Variants in ARHGEF17 observed in about 807,000 individuals in gnomAD.
The protein encoded by ARHGEF17 is 164 kDa Rho-specific guanine-nucleotide exchange factor.
Under a neutral mutation model 174.0 loss-of-function variants are expected in ARHGEF17, and 80 were observed. That is an observed-to-expected ratio of 0.46 (90% CI 0.38 to 0.55). ARHGEF17 has a LOEUF of 0.55. ARHGEF17 is among the 20% of genes least tolerant of loss of function. ARHGEF17 has a pLI of 0.00. For synonymous variants in ARHGEF17, 1,311 were observed against 1,189.1 expected (o/e 1.10, Z -2.11); for missense variants, 2,886 against 2,839.7 (o/e 1.02, Z -0.37).
rs554342677 is a variant in ARHGEF17, at chr11:73,356,294, G to A, written c.3783G>A (p.Ala1261=). The A allele has an allele frequency of 1.3e-4, 208 of 1,613,420 alleles. 3 individuals carry two copies. The South Asian group carries it at 2.1e-3, about 16-fold the overall frequency. Residue 1261 remains alanine, a synonymous_variant, in exon 6 of 21, where the codon GCG becomes GCA. Coordinates refer to ENST00000263674, the MANE Select transcript of ARHGEF17 (RefSeq NM_014786.4). The stretch of plus-strand genomic sequence containing the variant: ...AGGGTGTGCGGAGTGCCGAGGAGGC[G>A]GAGCGCCATGCCCGTGTGCTGCAGG... ...INKGVRSAEE[A]ERHARVLQEI...
chr11:73,325,102 G>A (rs1469600585), intron 1 of ARHGEF17, among the ~76,000 whole-genome samples: 1 of 152,184 alleles, frequency 6.6e-6, no homozygotes, highest in Admixed American at 6.5e-5. Context: ...CCCGTTTGCA[G>A]TATCTGGAAA....
chr11:73,350,057 A>G (rs149214855), intron 2 of ARHGEF17, among the ~76,000 whole-genome samples: 2,461 of 152,214 alleles, frequency 0.016, 36 homozygotes, highest in Middle Eastern at 0.041. Context: ...ATAATAATAG[A>G]CCTGCCTTGA....
At position 73,329,358 on chromosome 11, in the gene ARHGEF17, TATATATATA is replaced by T. The variant is rs1865160828; in HGVS notation, c.3193-17524_3193-17516del. On this transcript the variant is annotated intron_variant, in intron 1 of 20. Transcript: ENST00000263674. ...ATATATATATATATATATATATATA[TATATATATA>T]TATATATTTTTTTTTTTTTTTTGTA... 6.2e-4 allele frequency among the ~76,000 whole-genome samples: 14 copies of T among 22,678 alleles called. 1 individual carries two copies. Among genetic ancestry groups the T allele is most frequent in the African/African-American group, 1.1e-3 (4 of 3,702 alleles). The allele number at this position is 22,678 out of a possible 152,430, so 14.9% of individuals were successfully genotyped here. A position where few individuals can be genotyped will look rare whatever the true frequency, so the allele number is the denominator to read the frequency against.
intron 1 of ARHGEF17, among the ~76,000 whole-genome samples, chr11:73,338,544 C>G (rs1326020979): frequency 6.6e-6 from 1 of 152,074 alleles, no homozygotes; most frequent in Non-Finnish European, 1.5e-5. Context: ...GGGCCGAGTT[C>G]CCAGGGAAGA....
Position 73,311,539 on chromosome 11 carries a change from G to A in ARHGEF17, c.2901G>A (p.Met967Ile), listed in dbSNP as rs1490914878. 3 of 1,613,572 alleles carry A rather than the reference G, an allele frequency of 1.9e-6. No homozygotes were observed. Among genetic ancestry groups the A allele is most frequent in the Non-Finnish European group, 2.5e-6 (3 of 1,180,038 alleles). Residue 967 changes from methionine to isoleucine, a missense_variant, in exon 1 of 21, where the codon ATG becomes ATA. Physicochemically the swap from Met to Ile is conservative, Grantham distance 10. Transcript: ENST00000263674. ...ATGCCAGTGTGCCCGCCACATTTAT[G>A]CCTATTGTGGTGCCTGAGCCACCAA... ...VRHASVPATF[M>I]PIVVPEPPTS...
At position 73,356,752 on chromosome 11, in the gene ARHGEF17, T is replaced by C. The variant is rs997532226; in HGVS notation, c.3884T>C (p.Ile1295Thr). Reference sequence around the variant, plus strand: ...CGGTTCCTGAGACAGGAGATGGTCATTGAAGTGGTAAGAAGTGTCCCAGTA... The same window carrying C: ...CGGTTCCTGAGACAGGAGATGGTCACTGAAGTGGTAAGAAGTGTCCCAGTA... The part of the protein sequence containing the change: ...LRRFLRQEMV[I>T]EVKAIGGKKD... Residue 1295 changes from isoleucine to threonine, a missense_variant, in exon 7 of 21, where the codon ATT becomes ACT. By Grantham distance (89) the Ile-to-Thr change is moderately conservative. Coordinates refer to ENST00000263674, the MANE Select transcript of ARHGEF17 (RefSeq NM_014786.4). 5.0e-6 allele frequency: 8 copies of C among 1,614,030 alleles called. No homozygotes were observed. Among genetic ancestry groups the C allele is most frequent in the Admixed American group, 1.7e-5 (1 of 59,996 alleles).
chr11:73,310,772 G>C lies in ARHGEF17; in HGVS notation c.2134G>C (p.Val712Leu). Residue 712 changes from valine (V) to leucine (L), a missense_variant, in exon 1 of 21, where the codon GTC becomes CTC. This residue lies in a region of ARHGEF17 where 1,728 missense variants were observed against 1,461.2 expected (regional missense o/e 1.18). Coordinates refer to ENST00000263674, the MANE Select transcript of ARHGEF17 (RefSeq NM_014786.4). ...AGGTGCCCTCCGCCGACGACGCAAAGTCCCACCTTCAGGTTCTGGTGGGAG... is the reference window on the plus strand; with the variant it reads ...AGGTGCCCTCCGCCGACGACGCAAACTCCCACCTTCAGGTTCTGGTGGGAG... ...TPGALRRRRK[V>L]PPSGSGGSEL... The C allele has an allele frequency of 6.2e-7, 1 of 1,611,976 alleles. No individual in the cohort carries two copies. Among genetic ancestry groups the C allele is most frequent in the Non-Finnish European group, 8.5e-7 (1 of 1,179,112 alleles).
intron 12 of ARHGEF17, 53 bp downstream of exon 12, chr11:73,361,214 T>C: frequency 3.2e-6 from 5 of 1,561,358 alleles, no homozygotes; most frequent in Non-Finnish European, 2.6e-6. Context: ...CAGCAGGTGT[T>C]CATGAATTTT....
intron 20 of ARHGEF17, among the ~76,000 whole-genome samples, chr11:73,367,010 C>G (rs927758392): frequency 6.6e-6 from 1 of 152,022 alleles, no homozygotes; most frequent in African/African-American, 2.4e-5. Flanking sequence ...CCATTGCACT[C>G]CAGCCCAGGC....
chr11:73,325,077 G>C (rs1865079123), intron 1 of ARHGEF17, among the ~76,000 whole-genome samples: 1 of 152,156 alleles, frequency 6.6e-6, no homozygotes, highest in South Asian at 2.1e-4. Context: ...GGCAGGCCAG[G>C]CAGTGCAGTG....
At chr11:73,323,268 C>G (rs1458766936) in intron 1 of ARHGEF17, among the ~76,000 whole-genome samples, 1 of 152,178 alleles carries the variant, frequency 6.6e-6, no homozygotes. Flanking sequence ...TGGCTCTAAC[C>G]TAAGACAAGT....
intron 9 of ARHGEF17, among the ~76,000 whole-genome samples, chr11:73,357,844 G>A (rs539391953): frequency 1.6e-4 from 25 of 152,326 alleles, no homozygotes; most frequent in Admixed American, 1.2e-3. Context: ...AGTCTGCCCT[G>A]TTCTCACTGC....
At chr11:73,346,734 G>C in intron 1 of ARHGEF17, 149 bp from the exon 2 acceptor site, 1 of 547,888 alleles carries the variant, frequency 1.8e-6, no homozygotes, top group East Asian at 3.5e-5. Context: ...GGGCCTCGGG[G>C]GAACAGCCCG....
At chr11:73,325,376 G>A (rs951254088) in intron 1 of ARHGEF17, among the ~76,000 whole-genome samples, 4 of 152,144 alleles carry the variant, frequency 2.6e-5, no homozygotes, top group African/African-American at 4.8e-5. Context: ...CCAGGGCTGG[G>A]CCCTGTGCTT....
At chr11:73,333,238 A>T (rs779526960) in intron 1 of ARHGEF17, among the ~76,000 whole-genome samples, 2 of 152,218 alleles carry the variant, frequency 1.3e-5, no homozygotes, top group Non-Finnish European at 2.9e-5. Flanking sequence ...GGGAGTGGGC[A>T]GGTCTGTGCT....
intron 1 of ARHGEF17, among the ~76,000 whole-genome samples, chr11:73,326,091 G>A (rs1403436588): frequency 6.6e-6 from 1 of 152,226 alleles, no homozygotes; most frequent in Non-Finnish European, 1.5e-5. Flanking sequence ...GCCTGTATGT[G>A]CAGGGTTAGC....
At chr11:73,362,851 AG>A in intron 14 of ARHGEF17, 117 bp downstream of exon 14, 1 of 1,268,004 alleles carries the variant, frequency 7.9e-7, no homozygotes, top group African/African-American at 1.5e-5. Context: ...TCAGGATGTT[AG>A]CACACAGAGC....
intron 2 of ARHGEF17, 128 bp from the exon 3 acceptor site, chr11:73,352,702 G>A: frequency 1.1e-6 from 1 of 941,656 alleles, no homozygotes; most frequent in Non-Finnish European, 1.6e-6. Context: ...TCATGAGGGA[G>A]ATGTGGAAGG....
chr11:73,327,686 C>A (rs1377288079), intron 1 of ARHGEF17, among the ~76,000 whole-genome samples: 1 of 152,100 alleles, frequency 6.6e-6, no homozygotes, highest in Non-Finnish European at 1.5e-5. Context: ...GTTGGAGGAA[C>A]TACTGTGGCC....
Sources: gnomAD v4.1 joint callset for allele counts (sites outside exome capture counted in the v4.1 genomes callset) on GRCh38, gnomAD v4.1.1 for gene constraint, gnomAD v4.1.1 regional missense constraint, MANE v1.5 for transcripts, NCBI Gene and HGNC (gene_info 2026-07-23, HGNC 2026-07-21) for gene names.